The following SYNPO2 variants were observed in gnomAD, a reference collection of about 807,000 sequenced individuals.
The protein encoded by SYNPO2 is synaptopodin-2.
A neutral mutation model predicts 85.0 loss-of-function variants in SYNPO2; 56 were observed. That is an observed-to-expected ratio of 0.66 (90% CI 0.53 to 0.82). The LOEUF (loss-of-function observed/expected upper bound fraction) is 0.82, where lower values mean the gene tolerates loss of function less well. Ranked by LOEUF, SYNPO2 falls within the 40% of genes least tolerant of loss-of-function variation. SYNPO2 has a pLI of 0.00. For synonymous variants in SYNPO2, 602 were observed against 591.1 expected, an observed-to-expected ratio of 1.02 and a Z score of -0.27; for missense variants, 1,575 against 1,534.2, an observed-to-expected ratio of 1.03 and a Z score of -0.44.
chr4:118,979,822 C>T (rs1245690799), intron 1 of SYNPO2, among the ~76,000 whole-genome samples: 1 of 152,172 alleles, frequency 6.6e-6, no homozygotes, highest in Non-Finnish European at 1.5e-5. Flanking sequence ...CAGATGGTGA[C>T]ATAAAAACAC....
intron 4 of SYNPO2, chr4:119,032,327 A>G: frequency 7.7e-7 from 1 of 1,298,866 alleles, no homozygotes; most frequent in East Asian, 3.5e-5. Flanking sequence ...CAGGAGACTT[A>G]GGATTTGTGC....
chr4:119,036,674 T>C, intron 4 of SYNPO2: 6 of 985,584 alleles, frequency 6.1e-6, no homozygotes, highest in Non-Finnish European at 6.0e-6. Context: ...CCCCATCTTC[T>C]GGAGAAGCCC....
chr4:118,945,948 G>T (rs998492238), intron 1 of SYNPO2, among the ~76,000 whole-genome samples: 1 of 152,106 alleles, frequency 6.6e-6, no homozygotes, highest in Non-Finnish European at 1.5e-5. Flanking sequence ...GTTTCACCAT[G>T]TTGGCCAGGA....
At chr4:119,044,544 T>C (rs546962549) in intron 4 of SYNPO2, among the ~76,000 whole-genome samples, 15 of 152,306 alleles carry the variant, frequency 9.8e-5, no homozygotes, top group African/African-American at 2.4e-4. Flanking sequence ...ATTTATTTTA[T>C]TTTTGAGATG....
intron 1 of SYNPO2, among the ~76,000 whole-genome samples, chr4:119,002,029 A>G (rs1263731088): frequency 6.6e-6 from 1 of 152,156 alleles, no homozygotes; most frequent in Non-Finnish European, 1.5e-5. Context: ...TCCTCCCAAT[A>G]TAATTATATT....
At chr4:118,972,529 A>G (rs1269213487) in intron 1 of SYNPO2, among the ~76,000 whole-genome samples, 1 of 152,222 alleles carries the variant, frequency 6.6e-6, no homozygotes, top group African/African-American at 2.4e-5. Context: ...AACACTTTTT[A>G]TGTATTTTTT....
intron 1 of SYNPO2, among the ~76,000 whole-genome samples, chr4:118,978,387 C>G (rs530054222): frequency 5.5e-4 from 84 of 152,304 alleles, no homozygotes; most frequent in Non-Finnish European, 6.0e-4. Context: ...TAAAATATGA[C>G]CGTTTCCCTA....
intron 1 of SYNPO2, among the ~76,000 whole-genome samples, chr4:119,017,487 A>G (rs1240668521): frequency 2.0e-5 from 3 of 152,066 alleles, no homozygotes; most frequent in Non-Finnish European, 4.4e-5. Flanking sequence ...TGGAAAATTG[A>G]GGAAAGGCGG....
rs146333452 is a variant in SYNPO2, at chr4:119,031,576, C to T, written c.2801C>T (p.Pro934Leu). The change falls in exon 4 of 5, where the codon CCA becomes CTA. Residue 934 changes from proline (P) to leucine (L), a missense_variant. Pro to Leu is a moderately conservative substitution (Grantham distance 98, BLOSUM62 -3). Coordinates refer to ENST00000307142, the MANE Select transcript of SYNPO2 (RefSeq NM_133477.3). ...AYNPIHSPSY[P>L]LAALKSQPSA... ...AATCCTATCCACTCGCCGTCTTACC[C>T]ACTGGCTGCTCTCAAGTCTCAGCCA... The T allele has an allele frequency of 4.9e-5, 79 of 1,614,182 alleles. No homozygotes were observed. In the East Asian group the frequency reaches 1.8e-3, roughly 36 times the overall value.
chr4:119,027,975 A>G (rs978109441), intron 3 of SYNPO2, among the ~76,000 whole-genome samples: 1 of 152,174 alleles, frequency 6.6e-6, no homozygotes, highest in African/African-American at 2.4e-5. Flanking sequence ...CAGTTACATG[A>G]TCCTCTCCGT....
intron 1 of SYNPO2, among the ~76,000 whole-genome samples, chr4:118,961,261 G>A (rs1362192645): frequency 6.6e-6 from 1 of 152,080 alleles, no homozygotes; most frequent in African/African-American, 2.4e-5. Context: ...AGAATGAGAT[G>A]TCACTAGTGC....
chr4:119,033,684 A>G, intron 4 of SYNPO2: 1 of 985,338 alleles, frequency 1.0e-6, no homozygotes, highest in Non-Finnish European at 1.2e-6. Context: ...TGTCACTGTC[A>G]ATCTGCTATA....
intron 1 of SYNPO2, among the ~76,000 whole-genome samples, chr4:118,894,190 T>C (rs1379567165): frequency 6.6e-6 from 1 of 151,744 alleles, no homozygotes; most frequent in Admixed American, 6.6e-5. Context: ...CCATAGGGCT[T>C]GACGGGTGGT....
chr4:118,889,494 T>G (rs1165461363), intron 1 of SYNPO2, among the ~76,000 whole-genome samples: 4 of 152,178 alleles, frequency 2.6e-5, no homozygotes, highest in Admixed American at 2.6e-4. Context: ...TGATGTCACT[T>G]CACTTGGCTC....
chr4:119,050,052 C>T (rs1333102623), intron 4 of SYNPO2, among the ~76,000 whole-genome samples: 2 of 152,100 alleles, frequency 1.3e-5, no homozygotes, highest in Admixed American at 1.3e-4. Context: ...TGTTCTCAGG[C>T]TGGGTGCAGT....
In SYNPO2 at chr4:119,030,116, A is replaced by G; in HGVS notation, c.1341A>G (p.Glu447=). ...FLGASESEVD[E]ELLSDVDDNT... is the part of the protein sequence containing the mutation. ...GTGCAAGCGAATCAGAGGTGGATGAAGAGTTATTGTCTGACGTTGACGACA... is the reference window on the plus strand; with the variant it reads ...GTGCAAGCGAATCAGAGGTGGATGAGGAGTTATTGTCTGACGTTGACGACA... The change falls in exon 4 of 5, where the codon GAA becomes GAG. Residue 447 remains glutamate (E), a synonymous_variant. Coordinates refer to ENST00000307142, the MANE Select transcript of SYNPO2 (RefSeq NM_133477.3). 1 of 1,614,166 alleles carries G rather than the reference A, an allele frequency of 6.2e-7. No homozygotes were observed. The highest frequency in any genetic ancestry group is 8.5e-7 in the Non-Finnish European group (1 of 1,180,022).
intron 1 of SYNPO2, among the ~76,000 whole-genome samples, chr4:118,995,660 A>C (rs1037869662): frequency 1.3e-5 from 2 of 152,200 alleles, no homozygotes; most frequent in African/African-American, 4.8e-5. Flanking sequence ...CTCTGAAGCT[A>C]GATTACCCAG....
intron 1 of SYNPO2, among the ~76,000 whole-genome samples, chr4:119,020,191 TTAAG>T (rs757464170): frequency 5.3e-5 from 8 of 152,108 alleles, no homozygotes; most frequent in Non-Finnish European, 7.4e-5. Flanking sequence ...TCAGAAAAAC[TTAAG>T]TAAGAAGAAA....
chr4:119,036,223 T>G, intron 4 of SYNPO2: 1 of 985,440 alleles, frequency 1.0e-6, no homozygotes, highest in Non-Finnish European at 1.2e-6. Flanking sequence ...GCTAAATGCT[T>G]AAAATGCTTC....
Sources: allele counts gnomAD v4.1 joint callset (sites outside exome capture counted in the v4.1 genomes callset), GRCh38; gene constraint gnomAD v4.1.1; transcripts MANE v1.5; gene names NCBI Gene and HGNC (gene_info 2026-07-23, HGNC 2026-07-21).